Variants in GABRG1 observed in about 807,000 individuals in gnomAD.
GABRG1 encodes gamma-aminobutyric acid receptor subunit gamma-1.
A neutral mutation model predicts 49.8 loss-of-function variants in GABRG1; 49 were observed. The observed-to-expected ratio is 0.98, with a 90% CI of 0.78 to 1.25. The LOEUF is 1.25. Ranked by LOEUF, GABRG1 falls within the 50% of genes most tolerant of loss-of-function variation. The pLI, the probability that GABRG1 is intolerant of heterozygous loss-of-function variation, is 0.00. For missense variants in GABRG1, 552 were observed against 552.3 expected (o/e 1.00, Z 0.01); for synonymous variants, 232 against 185.1 (o/e 1.25, Z -2.06).
rs1156397395 is a variant in GABRG1 at position 46,051,476 on chromosome 4, T to C, written c.1079A>G (p.Asn360Ser). The part of the protein sequence containing the change: ...EYGTLHYFTS[N>S]QKGKTATKDR... The stretch of plus-strand genomic sequence containing the variant: ...TTTAGTAGCAGTCTTTCCTTTTTGG[T>C]TGCTGGTAAAATAATGCAAGGTTCC... The change falls in exon 8 of 9, where the codon AAC (asparagine) becomes AGC (serine). Residue 360 changes from asparagine (N) to serine (S), a missense_variant. Physicochemically the swap from Asn to Ser is conservative, Grantham distance 46 (BLOSUM62 1). Coordinates refer to ENST00000295452, the MANE Select transcript of GABRG1 (RefSeq NM_173536.4). 5.6e-6 allele frequency: 9 copies of C among 1,610,826 alleles called. No individual in the cohort carries two copies. In the Admixed American group the frequency reaches 8.4e-5, roughly 15 times the overall value.
intron 1 of GABRG1, among the ~76,000 whole-genome samples, chr4:46,110,782 T>G (rs1720688293): frequency 6.6e-6 from 1 of 151,094 alleles, no homozygotes; most frequent in Non-Finnish European, 1.5e-5. Context: ...GGAAAAAGCT[T>G]TAGATATAAT....
intron 3 of GABRG1, among the ~76,000 whole-genome samples, chr4:46,074,644 ACATTTTAAT>A (rs1719257817): frequency 6.6e-6 from 1 of 152,174 alleles, no homozygotes; most frequent in Non-Finnish European, 1.5e-5. Context: ...TCTCTGCTTC[ACATTTTAAT>A]TAAACTGAAG....
At chr4:46,111,090 A>T (rs1720697584) in intron 1 of GABRG1, among the ~76,000 whole-genome samples, 1 of 151,054 alleles carries the variant, frequency 6.6e-6, no homozygotes, top group African/African-American at 2.4e-5. Context: ...ATTCTATACC[A>T]GGAAAATCCC....
chr4:46,097,732 G>A (rs1227295143), intron 1 of GABRG1, among the ~76,000 whole-genome samples: 2 of 150,926 alleles, frequency 1.3e-5, no homozygotes, highest in Non-Finnish European at 3.0e-5. Context: ...AAAATTAAAA[G>A]GTAAAGAATT....
chr4:46,058,381 A>G lies in GABRG1; in HGVS notation c.764-12T>C. ...GATAACATAATCCCCTGTAAGAAAA[A>G]AAAGTTTTATTTTGGCTATATAATA... On this transcript the variant is annotated splice_polypyrimidine_tract_variant and intron_variant, in intron 6 of 8. Coordinates refer to ENST00000295452, the MANE Select transcript of GABRG1 (RefSeq NM_173536.4). 1 of 1,599,636 alleles carries G rather than the reference A, an allele frequency of 6.3e-7. No homozygotes were observed.
At chr4:46,105,941 A>G (rs1720534984) in intron 1 of GABRG1, among the ~76,000 whole-genome samples, 2 of 151,572 alleles carry the variant, frequency 1.3e-5, no homozygotes, top group Middle Eastern at 3.4e-3. Context: ...TCAACCAATT[A>G]GATGGCTAGA....
chr4:46,037,527 T>C lies in GABRG1; in HGVS notation c.*3461A>G, dbSNP rs959687355. 6.6e-6 allele frequency: 1 copy of C among 151,672 alleles called. No homozygotes were observed. Among genetic ancestry groups the C allele is most frequent in the African/African-American group, 2.4e-5 (1 of 41,374 alleles). The allele number at this position is 151,672 out of a possible 1,614,324, so 9.4% of individuals were successfully genotyped here. A position where few individuals can be genotyped will look rare whatever the true frequency, so the allele number is the denominator to read the frequency against. On this transcript the variant is annotated 3_prime_UTR_variant, in exon 9 of 9. Coordinates refer to ENST00000295452, the MANE Select transcript of GABRG1 (RefSeq NM_173536.4). ...GAAAACTTGGTAGGTCAGAAATAAA[T>C]GTTTCTAGTGAGACAAGCAGTAAAG...
chr4:46,048,073 C>T (rs959260386), intron 8 of GABRG1, among the ~76,000 whole-genome samples: 1 of 151,858 alleles, frequency 6.6e-6, no homozygotes, highest in East Asian at 1.9e-4. Flanking sequence ...GCCTATGGGC[C>T]GAATATTCAA....
intron 8 of GABRG1, among the ~76,000 whole-genome samples, chr4:46,048,074 G>A (rs1346326270): frequency 3.3e-5 from 5 of 151,954 alleles, no homozygotes; most frequent in Non-Finnish European, 7.4e-5. Flanking sequence ...CCTATGGGCC[G>A]AATATTCAAG....
Position 46,051,629 on chromosome 4 carries a change from G to A in GABRG1, c.926C>T (p.Thr309Ile). Residue 309 changes from threonine (T) to isoleucine (I), a missense_variant, in exon 8 of 9, where the codon ACA becomes ATA. Physicochemically the swap from Thr to Ile is moderately conservative, Grantham distance 89. Coordinates refer to ENST00000295452, the MANE Select transcript of GABRG1 (RefSeq NM_173536.4). ...VPARTSLGITTVLTMTTLSTI... is the reference protein window; with the variant it reads ...VPARTSLGITIVLTMTTLSTI... ...ACTCAGGGTTGTCATAGTCAGAACTGTAGTGATACCTATAGAGAGAGGAAA... is the reference window on the plus strand; with the variant it reads ...ACTCAGGGTTGTCATAGTCAGAACTATAGTGATACCTATAGAGAGAGGAAA... The A allele has an allele frequency of 6.3e-7, 1 of 1,597,058 alleles. No homozygotes were observed. Among genetic ancestry groups the A allele is most frequent in the Non-Finnish European group, 8.6e-7 (1 of 1,166,150 alleles).
intron 1 of GABRG1, among the ~76,000 whole-genome samples, chr4:46,116,982 G>A (rs1385086337): frequency 6.7e-6 from 1 of 150,230 alleles, no homozygotes; most frequent in Non-Finnish European, 1.5e-5. Flanking sequence ...TACCCATCTA[G>A]GATGATCAAG....
intron 2 of GABRG1, among the ~76,000 whole-genome samples, chr4:46,086,866 A>G (rs1288605709): frequency 1.3e-5 from 2 of 151,564 alleles, no homozygotes; most frequent in Non-Finnish European, 3.0e-5. Context: ...TTCTATGAAT[A>G]TTTTCTTTTA....
chr4:46,100,639 C>T (rs1464172202), intron 1 of GABRG1, among the ~76,000 whole-genome samples: 2 of 140,888 alleles, frequency 1.4e-5, no homozygotes, highest in African/African-American at 5.2e-5. Flanking sequence ...GTGGGTATGG[C>T]AAGCCACTGC....
intron 3 of GABRG1, among the ~76,000 whole-genome samples, chr4:46,079,112 G>A (rs78144380): frequency 4.7e-5 from 7 of 147,654 alleles, no homozygotes; most frequent in East Asian, 2.0e-4. Flanking sequence ...TTCGATTTTC[G>A]TTTTCTGTTA....
At chr4:46,052,683 G>A (rs1251037595) in intron 7 of GABRG1, among the ~76,000 whole-genome samples, 1 of 151,754 alleles carries the variant, frequency 6.6e-6, no homozygotes, top group Non-Finnish European at 1.5e-5. Flanking sequence ...CAGTAAATAT[G>A]GCCCCATGAG....
chr4:46,100,980 T>C (rs544516778), intron 1 of GABRG1, among the ~76,000 whole-genome samples: 2 of 151,542 alleles, frequency 1.3e-5, no homozygotes, highest in Non-Finnish European at 3.0e-5. Flanking sequence ...GAATATTACA[T>C]TGGTGTTATC....
intron 5 of GABRG1, among the ~76,000 whole-genome samples, chr4:46,061,624 T>A (rs893589709): frequency 2.0e-5 from 3 of 151,870 alleles, no homozygotes; most frequent in Admixed American, 2.0e-4. Context: ...ATAAAATTAA[T>A]ATAGCTCTGG....
intron 8 of GABRG1, among the ~76,000 whole-genome samples, chr4:46,041,716 T>C (rs548442107): frequency 6.6e-6 from 1 of 152,118 alleles, no homozygotes; most frequent in East Asian, 1.9e-4. Context: ...ACAAAAAAAG[T>C]TATGGGGTTT....
chr4:46,117,564 C>G (rs916853186), intron 1 of GABRG1, among the ~76,000 whole-genome samples: 7 of 131,646 alleles, frequency 5.3e-5, no homozygotes, highest in African/African-American at 2.5e-4. Flanking sequence ...CTCTCTCTCT[C>G]TCTCTCTCTC....
Sources: gnomAD v4.1 joint callset for allele counts (sites outside exome capture counted in the v4.1 genomes callset) on GRCh38, gnomAD v4.1.1 for gene constraint, MANE v1.5 for transcripts, NCBI Gene and HGNC (gene_info 2026-07-23, HGNC 2026-07-21) for gene names.